The following LOC400499 variants were observed in gnomAD, a reference collection of about 807,000 sequenced individuals.
chr16:11,426,319 C>T, the LOC400499 span, among the ~76,000 whole-genome samples: 1 of 152,054 alleles, frequency 6.6e-6, no homozygotes, highest in Non-Finnish European at 1.5e-5. Context: ...GCCTGTCATC[C>T]CAGCTACTTG....
the LOC400499 span, among the ~76,000 whole-genome samples, chr16:11,416,577 C>A: frequency 1.3e-5 from 2 of 152,170 alleles, no homozygotes; most frequent in Non-Finnish European, 2.9e-5. Flanking sequence ...AGCACACATT[C>A]TGGTGATTCT....
At chr16:11,423,111 T>G in the LOC400499 span, 1 of 399,180 alleles carries the variant, frequency 2.5e-6, no homozygotes, top group Non-Finnish European at 4.4e-6. Flanking sequence ...GTGATCAGGC[T>G]GTGCCAGCCC....
chr16:11,391,563 G>A, the LOC400499 span: 5 of 1,023,784 alleles, frequency 4.9e-6, no homozygotes, highest in African/African-American at 8.2e-5. Context: ...CCACATTTCT[G>A]ATTGAAACAG....
chr16:11,513,810 A>G, the LOC400499 span, among the ~76,000 whole-genome samples: 1 of 152,144 alleles, frequency 6.6e-6, no homozygotes, highest in Non-Finnish European at 1.5e-5. Flanking sequence ...AATACACATA[A>G]AGTGCTCAGC....
chr16:11,491,495 G>A, the LOC400499 span, among the ~76,000 whole-genome samples: 3 of 152,148 alleles, frequency 2.0e-5, no homozygotes, highest in East Asian at 5.8e-4. Context: ...ATGGCAGAAT[G>A]GGGACTGGAA....
the LOC400499 span, chr16:11,441,064 C>G: frequency 2.5e-6 from 1 of 399,062 alleles, no homozygotes. Flanking sequence ...GCCTCGACCT[C>G]TCTGTTCTTA....
the LOC400499 span, among the ~76,000 whole-genome samples, chr16:11,463,800 T>C: frequency 2.0e-5 from 3 of 152,120 alleles, no homozygotes; most frequent in African/African-American, 4.8e-5. Context: ...TATGGATGTT[T>C]GTGTGTATGA....
At chr16:11,450,760 G>T in the LOC400499 span, 1 of 1,536,146 alleles carries the variant, frequency 6.5e-7, no homozygotes, top group East Asian at 2.4e-5. Flanking sequence ...AGCTCGGTGT[G>T]GCCAGTATAG....
At chr16:11,428,273 G>C in the LOC400499 span, among the ~76,000 whole-genome samples, 1 of 152,130 alleles carries the variant, frequency 6.6e-6, no homozygotes, top group Non-Finnish European at 1.5e-5. Flanking sequence ...CCAGGTTCAA[G>C]CGACTCTCCT....
the LOC400499 span, among the ~76,000 whole-genome samples, chr16:11,504,557 C>A: frequency 1.3e-5 from 2 of 150,870 alleles, no homozygotes; most frequent in Admixed American, 6.6e-5. Context: ...CTCCGTCCCC[C>A]CCCCCAAAAA....
chr16:11,401,905 T>C, the LOC400499 span: 239 of 397,920 alleles, frequency 6.0e-4, 3 homozygotes, highest in East Asian at 8.4e-3. Context: ...CCACAGTCCC[T>C]TGGGGATGTG....
the LOC400499 span, chr16:11,502,241 C>G: frequency 2.5e-6 from 1 of 398,496 alleles, no homozygotes; most frequent in South Asian, 1.3e-4. Context: ...CGAAGGTCAC[C>G]TCACCCGTCC....
the LOC400499 span, among the ~76,000 whole-genome samples, chr16:11,526,350 G>A: frequency 5.3e-5 from 8 of 152,160 alleles, no homozygotes; most frequent in African/African-American, 1.9e-4. Context: ...TTGAGTTTGA[G>A]ACCAGCCTGG....
At chr16:11,455,373 T>C in the LOC400499 span, among the ~76,000 whole-genome samples, 1 of 152,136 alleles carries the variant, frequency 6.6e-6, no homozygotes, top group Admixed American at 6.5e-5. Context: ...TATATTATTT[T>C]TAAATATGGA....
the LOC400499 span, among the ~76,000 whole-genome samples, chr16:11,415,551 C>A: frequency 6.6e-6 from 1 of 152,218 alleles, no homozygotes; most frequent in Non-Finnish European, 1.5e-5. Context: ...GAAATGCTTC[C>A]TTCCTTCCTC....
chr16:11,387,796 G>T, the LOC400499 span, among the ~76,000 whole-genome samples: 1 of 152,038 alleles, frequency 6.6e-6, no homozygotes, highest in African/African-American at 2.4e-5. Flanking sequence ...GCTAATTTTT[G>T]TATTTTTAGT....
the LOC400499 span, chr16:11,417,534 C>T: frequency 0.11 from 45,330 of 397,874 alleles, 3,081 homozygotes; most frequent in African/African-American, 0.24. Context: ...CTGGACTTGA[C>T]AGGAGTGCCA....
At chr16:11,461,865 G>A in the LOC400499 span, among the ~76,000 whole-genome samples, 2 of 152,208 alleles carry the variant, frequency 1.3e-5, no homozygotes, top group East Asian at 1.9e-4. Context: ...TGTATTTTAG[G>A]TCAAAATGTT....
At chr16:11,483,542 C>A in the LOC400499 span, among the ~76,000 whole-genome samples, 1 of 151,780 alleles carries the variant, frequency 6.6e-6, no homozygotes, top group Non-Finnish European at 1.5e-5. Flanking sequence ...ATAAAAGAAG[C>A]CAAACAAAAA....
Sources: gnomAD v4.1 joint callset for allele counts (sites outside exome capture counted in the v4.1 genomes callset) on GRCh38, gnomAD v4.1.1 for gene constraint, MANE v1.5 for transcripts.